DNAH8: variants seen among roughly 807,000 people sequenced by gnomAD.
The protein encoded by DNAH8 is axonemal beta dynein heavy chain 8.
A neutral mutation model predicts 562.1 loss-of-function variants in DNAH8; 382 were observed. The observed-to-expected ratio is 0.68, with a 90% CI of 0.63 to 0.74. The LOEUF (loss-of-function observed/expected upper bound fraction) is 0.74, where lower values mean the gene tolerates loss of function less well. Among genes scored for constraint, DNAH8 ranks in the 30% least tolerant of loss-of-function variants. DNAH8 has a pLI of 0.00. For missense variants in DNAH8, 5,203 were observed against 5,620.4 expected (o/e 0.93, Z 2.37); for synonymous variants, 1,881 against 1,919.4 (o/e 0.98, Z 0.52).
At chr6:38,998,976 A>G (rs2150747202) in intron 88 of DNAH8, among the ~76,000 whole-genome samples, 1 of 152,310 alleles carries the variant, frequency 6.6e-6, no homozygotes, top group East Asian at 1.9e-4. Context: ...CTTTGCAAAC[A>G]TAAAATCACA....
intron 60 of DNAH8, among the ~76,000 whole-genome samples, chr6:38,896,975 C>A (rs774709707): frequency 6.6e-6 from 1 of 151,928 alleles, no homozygotes; most frequent in Admixed American, 6.6e-5. Flanking sequence ...TTAGTAGAGA[C>A]GAGGTTTCAC....
chr6:38,749,535 T>TAAAAAAA (rs562568389), intron 8 of DNAH8, among the ~76,000 whole-genome samples: 1 of 120,450 alleles, frequency 8.3e-6, no homozygotes, highest in Non-Finnish European at 1.7e-5. Context: ...GAACTTAAAG[T>TAAAAAAA]AAAAAAAAAA....
At chr6:38,870,272 A>G (rs1777367454) in intron 48 of DNAH8, 129 bp from the exon 49 acceptor site, 1 of 794,586 alleles carries the variant, frequency 1.3e-6, no homozygotes, top group South Asian at 1.9e-5. Flanking sequence ...ACTAGAGAAT[A>G]CAAGCCTGAT....
intron 88 of DNAH8, among the ~76,000 whole-genome samples, chr6:38,990,621 C>T (rs965205421): frequency 1.3e-5 from 2 of 152,206 alleles, no homozygotes; most frequent in African/African-American, 2.4e-5. Flanking sequence ...TTCATGGCCC[C>T]TCTCCCTCAC....
Position 38,786,877 on chromosome 6 carries a change from G to A in DNAH8, c.2508G>A (p.Lys836=), listed in dbSNP as rs1015683181. Residue 836 remains lysine (K), a synonymous_variant, in exon 18 of 93, where the codon AAG becomes AAA. Coordinates refer to ENST00000327475, the MANE Select transcript of DNAH8 (RefSeq NM_001206927.2). ...AAACTAAGTGTATGATAAAAATGAAGTTGGATGTACCAGAACAGGCAAAGA... is the reference window on the plus strand; with the variant it reads ...AAACTAAGTGTATGATAAAAATGAAATTGGATGTACCAGAACAGGCAAAGA... The part of the protein sequence containing the change: ...VRETKCMIKM[K]LDVPEQAKRL... The A allele has an allele frequency of 1.2e-6, 2 of 1,613,412 alleles. No individual in the cohort carries two copies. The highest frequency in any genetic ancestry group is 2.7e-5 in the African/African-American group (2 of 74,884).
intron 80 of DNAH8, among the ~76,000 whole-genome samples, chr6:38,947,573 C>T (rs1761536497): frequency 6.6e-6 from 1 of 152,116 alleles, no homozygotes; most frequent in Non-Finnish European, 1.5e-5. Flanking sequence ...TCTTCCTGTG[C>T]CTCAGCTGCA....
At chr6:38,850,088 C>T (rs1053363621) in intron 37 of DNAH8, among the ~76,000 whole-genome samples, 163 bp from the exon 38 acceptor site, 1 of 139,510 alleles carries the variant, frequency 7.2e-6, no homozygotes, top group Admixed American at 7.6e-5. Flanking sequence ...GGGTTTGTGT[C>T]GCTCAGAATT....
intron 53 of DNAH8, 47 bp downstream of exon 53, chr6:38,875,875 G>A (rs1215359349): frequency 5.6e-6 from 7 of 1,251,434 alleles, no homozygotes; most frequent in Non-Finnish European, 8.1e-6. Flanking sequence ...TTTTTCAAAT[G>A]AGAAAATATA....
Position 38,723,172 on chromosome 6 carries a change from T to C in DNAH8, c.363T>C (p.Asn121=), listed in dbSNP as rs765171895. 6.2e-7 allele frequency: 1 copy of C among 1,611,706 alleles called. No individual in the cohort carries two copies. Among genetic ancestry groups the C allele is most frequent in the Non-Finnish European group, 8.5e-7 (1 of 1,179,640 alleles). The change falls in exon 2 of 93, where the codon AAT becomes AAC. Residue 121 remains asparagine, a synonymous_variant. Coordinates refer to ENST00000327475, the MANE Select transcript of DNAH8 (RefSeq NM_001206927.2). ...GCCGGAGTATGAGTGGCCTTCCCAA[T>C]CTACAGGAAACATTAAAAGAGAGAC... ...RYRRSMSGLP[N]LQETLKERQA...
intron 41 of DNAH8, among the ~76,000 whole-genome samples, chr6:38,854,044 A>G (rs1775984578): frequency 6.6e-6 from 1 of 150,446 alleles, no homozygotes; most frequent in African/African-American, 2.5e-5. Context: ...GTGTGTATAT[A>G]TATATGTATA....
chr6:38,933,539 C>T (rs1382419273), intron 76 of DNAH8, among the ~76,000 whole-genome samples: 1 of 152,122 alleles, frequency 6.6e-6, no homozygotes, highest in African/African-American at 2.4e-5. Flanking sequence ...TAGCAAGAGT[C>T]CACTGTGCTA....
chr6:38,839,549 A>C (rs1774598416), intron 33 of DNAH8, among the ~76,000 whole-genome samples: 2 of 151,630 alleles, frequency 1.3e-5, no homozygotes, highest in South Asian at 4.2e-4. Flanking sequence ...TACATACAGG[A>C]GTCTCCTTAT....
intron 79 of DNAH8, among the ~76,000 whole-genome samples, chr6:38,944,346 A>G (rs1200498588): frequency 2.0e-5 from 3 of 152,210 alleles, no homozygotes; most frequent in South Asian, 2.1e-4. Flanking sequence ...ATGGGTTTAC[A>G]TGAAAAAAGT....
intron 80 of DNAH8, among the ~76,000 whole-genome samples, chr6:38,947,209 C>CG (rs1583430450): frequency 6.6e-6 from 1 of 152,198 alleles, no homozygotes; most frequent in African/African-American, 2.4e-5. Context: ...CTTACACCAC[C>CG]GATTGGGCCA....
At chr6:38,796,858 T>C (rs1419583565) in intron 21 of DNAH8, among the ~76,000 whole-genome samples, 3 of 152,146 alleles carry the variant, frequency 2.0e-5, no homozygotes, top group Non-Finnish European at 4.4e-5. Context: ...CAACTCGGTG[T>C]CTGAGGGGTT....
At chr6:38,915,068 G>C in intron 67 of DNAH8, 133 bp from the exon 68 acceptor site, 1 of 730,226 alleles carries the variant, frequency 1.4e-6, no homozygotes, top group Middle Eastern at 4.0e-4. Flanking sequence ...TTAAAATATA[G>C]ACAACTTAGG....
chr6:38,906,254 G>A lies in DNAH8; in HGVS notation c.9195G>A (p.Arg3065=). Residue 3065 remains arginine, a splice_region_variant and synonymous_variant, in exon 63 of 93, where the codon AGG becomes AGA. Transcript: ENST00000327475. ...AACTTTCTATCATTTTTCTTCTTAG[G>A]TCTTACAATGTGACTAATCTAACAG... ...GYQIFQITLT[R]SYNVTNLTDD... is the part of the protein sequence containing the mutation. 7 of 1,570,912 alleles carry A rather than the reference G, an allele frequency of 4.5e-6. No homozygotes were observed. The highest frequency in any genetic ancestry group is 6.1e-6 in the Non-Finnish European group (7 of 1,152,588).
chr6:38,919,961 G>T (rs2050181), intron 70 of DNAH8, among the ~76,000 whole-genome samples: 9,011 of 152,056 alleles, frequency 0.059, 815 homozygotes, highest in African/African-American at 0.19. Flanking sequence ...GAGAAAAGCA[G>T]CAGAATTAAT....
At chr6:38,904,566 G>A (rs1248312033) in intron 62 of DNAH8, among the ~76,000 whole-genome samples, 1 of 152,040 alleles carries the variant, frequency 6.6e-6, no homozygotes, top group Non-Finnish European at 1.5e-5. Flanking sequence ...CGAGGTGGGC[G>A]GATCACCTGA....
Sources: gnomAD v4.1 joint callset for allele counts (sites outside exome capture counted in the v4.1 genomes callset) on GRCh38, gnomAD v4.1.1 for gene constraint, MANE v1.5 for transcripts, NCBI Gene and HGNC (gene_info 2026-07-23, HGNC 2026-07-21) for gene names.